The following MYO15A variants were observed in gnomAD, a reference collection of about 807,000 sequenced individuals.
MYO15A encodes unconventional myosin-XV.
Under a neutral mutation model 394.6 loss-of-function variants are expected in MYO15A, and 308 were observed. The ratio of observed to expected loss-of-function variants is 0.78; its 90% confidence interval spans 0.71 to 0.86. MYO15A has a LOEUF of 0.86. Among genes scored for constraint, MYO15A ranks in the 40% least tolerant of loss-of-function variants. MYO15A has a pLI of 0.00. For synonymous variants in MYO15A, 1,957 were observed against 2,003.8 expected, an observed-to-expected ratio of 0.98 and a Z score of 0.62; for missense variants, 4,606 against 4,799.1, an observed-to-expected ratio of 0.96 and a Z score of 1.19.
In MYO15A at chr17:18,179,788, G is replaced by A. The variant is rs1015923228; in HGVS notation, c.*918G>A. On this transcript the variant is annotated 3_prime_UTR_variant, in exon 66 of 66. Coordinates refer to ENST00000647165, the MANE Select transcript of MYO15A (RefSeq NM_016239.4). ...TTGTCATATGAATGAAAAAATAAAC[G>A]AGTGAATGTTGATAGAAAGTGCTGG... The A allele has an allele frequency of 6.6e-6, 1 of 152,146 alleles. No homozygotes were observed. The highest frequency in any genetic ancestry group is 1.5e-5 in the Non-Finnish European group (1 of 68,030). The allele number at this position is 152,146 out of a possible 1,614,324, so 9.4% of individuals were successfully genotyped here.
intron 16 of MYO15A, 86 bp from the exon 17 acceptor site, chr17:18,138,029 G>T (rs1454012942): frequency 3.5e-6 from 5 of 1,417,368 alleles, no homozygotes; most frequent in Non-Finnish European, 4.6e-6. Flanking sequence ...TGCTGGCCAG[G>T]CTCCTTCAGA....
Position 18,142,219 on chromosome 17 carries a change from C to G in MYO15A, c.5790C>G (p.Ile1930Met). Residue 1930 changes from isoleucine to methionine, a missense_variant, in exon 24 of 66, where the codon ATC becomes ATG. Ile to Met is a conservative substitution (Grantham distance 10). This residue lies in a region of MYO15A where 2,776 missense variants were observed against 3,109.3 expected (regional missense o/e 0.89). Transcript: ENST00000647165. Reference protein sequence around the residue: ...RRFRSLRHKIILLQSRARGYL... With the variant: ...RRFRSLRHKIMLLQSRARGYL... The stretch of plus-strand genomic sequence containing the variant: ...TCCGCTCTCTGCGCCACAAGATCAT[C>G]CTGCTGCAAAGCCGGGCCCGTGGCT... 3.1e-6 allele frequency: 5 copies of G among 1,613,478 alleles called. No homozygotes were observed. The highest frequency in any genetic ancestry group is 4.2e-6 in the Non-Finnish European group (5 of 1,179,976).
chr17:18,151,282 C>T lies in MYO15A; in HGVS notation c.7646C>T (p.Pro2549Leu). Residue 2549 changes from proline to leucine, a missense_variant, in exon 39 of 66, where the codon CCA becomes CTA. Physicochemically the swap from Pro to Leu is moderately conservative, Grantham distance 98. Transcript: ENST00000647165. ...APVLAQDQAS[P>L]ETTSPSPELV... ...GTTCTAGCTCAGGATCAGGCTTCTC[C>T]AGAAACCAGTGAGTGCCCTATCCCA... 6.2e-7 allele frequency: 1 copy of T among 1,614,204 alleles called. No individual in the cohort carries two copies. The highest frequency in any genetic ancestry group is 8.5e-7 in the Non-Finnish European group (1 of 1,180,036).
chr17:18,150,312 G>A lies in MYO15A; in HGVS notation c.7213-117G>A. The A allele has an allele frequency of 1.1e-6, 1 of 879,434 alleles. No individual in the cohort carries two copies. The highest frequency in any genetic ancestry group is 1.7e-5 in the African/African-American group (1 of 60,494). The allele number at this position is 879,434 out of a possible 1,614,324, so 54.5% of individuals were successfully genotyped here. ...AGCATACAGCAGACACTGAGCCAGT[G>A]GGAGGCTGCCCCCTCCCACGAGAGG... On this transcript the variant is annotated intron_variant, in intron 35 of 65. Coordinates refer to ENST00000647165, the MANE Select transcript of MYO15A (RefSeq NM_016239.4). This position sits in a 1 kb window ranked among gnomAD's most constrained non-coding sequence, Gnocchi z 4.4.
At position 18,158,543 on chromosome 17, in the gene MYO15A, C is replaced by A; in HGVS notation, c.8988C>A (p.Arg2996=). The A allele has an allele frequency of 6.2e-7, 1 of 1,614,174 alleles. No individual in the cohort carries two copies. Among genetic ancestry groups the A allele is most frequent in the South Asian group, 1.1e-5 (1 of 91,092 alleles). ...RRREGPPVRA[R]SADHGEDALA... is the part of the protein sequence containing the mutation. ...TGCAGGGTCCCCCAGTCAGGGCCCG[C>A]TCTGCTGACCATGGGGAGGACGCCC... The change falls in exon 52 of 66, where the codon CGC becomes CGA. Residue 2996 remains arginine (R), a synonymous_variant. Transcript: ENST00000647165.
Position 18,119,894 on chromosome 17 carries a change from A to T in MYO15A, c.1094A>T (p.Asp365Val). The T allele has an allele frequency of 6.2e-7, 1 of 1,613,146 alleles. No individual in the cohort carries two copies. The highest frequency in any genetic ancestry group is 8.5e-7 in the Non-Finnish European group (1 of 1,179,956). Reference protein sequence around the residue: ...PYDLPYHTPYDVPYFDPYGVH... With the variant: ...PYDLPYHTPYVVPYFDPYGVH... ...GACCTCCCATACCACACTCCCTACG[A>T]TGTACCCTACTTTGATCCCTACGGA... is the stretch of plus-strand genomic sequence containing the variant. The change falls in exon 2 of 66, where the codon GAT (aspartate) becomes GTT (valine). Residue 365 changes from aspartate to valine, a missense_variant. Around this residue, in one of 2 missense-constraint regions of MYO15A, gnomAD observed 1,830 missense variants for 1,689.7 expected, o/e 1.08. Coordinates refer to ENST00000647165, the MANE Select transcript of MYO15A (RefSeq NM_016239.4).
At position 18,121,943 on chromosome 17, in the gene MYO15A, A is replaced by G; in HGVS notation, c.3143A>G (p.Lys1048Arg). Residue 1048 changes from lysine to arginine, a missense_variant, in exon 2 of 66, where the codon AAG becomes AGG. Physicochemically the swap from Lys to Arg is conservative, Grantham distance 26. Coordinates refer to ENST00000647165, the MANE Select transcript of MYO15A (RefSeq NM_016239.4). The surrounding 1 kb of genome is among the most constrained non-coding windows in gnomAD (Gnocchi z 5.3). ...CCCCCCAAGGATATCACTCCCCCCA[A>G]GGATGTCCTCCCAGAGCAAAAGACA... Reference protein sequence around the residue: ...VTPPKDITPPKDVLPEQKTLR... With the variant: ...VTPPKDITPPRDVLPEQKTLR... 6.2e-7 allele frequency: 1 copy of G among 1,613,222 alleles called. No homozygotes were observed. The highest frequency in any genetic ancestry group is 2.2e-5 in the East Asian group (1 of 44,846).
intron 27 of MYO15A, 30 bp downstream of exon 27, chr17:18,143,826 C>T (rs1345254678): frequency 6.4e-7 from 1 of 1,570,168 alleles, no homozygotes; most frequent in Non-Finnish European, 8.6e-7. Flanking sequence ...GGGGAGGGCC[C>T]AGGCAGATCA....
chr17:18,155,391 C>G lies in MYO15A; in HGVS notation c.8418C>G (p.Gly2806=). Residue 2806 remains glycine, a synonymous_variant, in exon 47 of 66, where the codon GGC becomes GGG. Transcript: ENST00000647165. Reference sequence around the variant, plus strand: ...AACTCCTGAGGATGGTCAAGGGTGGCCAGGAGGCCGGCGGGCAGCTGCGGG... The same window carrying G: ...AACTCCTGAGGATGGTCAAGGGTGGGCAGGAGGCCGGCGGGCAGCTGCGGG... ...GIKLLRMVKG[G]QEAGGQLRVL... The G allele has an allele frequency of 6.2e-7, 1 of 1,613,594 alleles. No individual in the cohort carries two copies.
rs776323868 is a variant in MYO15A, at chr17:18,145,904, T to C, written c.6306T>C (p.His2102=). Residue 2102 remains histidine, a synonymous_variant, in exon 30 of 66, where the codon CAT becomes CAC. Transcript: ENST00000647165. The part of the protein sequence containing the change: ...ILRFMGDPHL[H]GARENIFGNY... Reference sequence around the variant, plus strand: ...GCTTCATGGGCGACCCCCACCTGCATGGTGCCCGGGAGAACATCTTCGGGA... The same window carrying C: ...GCTTCATGGGCGACCCCCACCTGCACGGTGCCCGGGAGAACATCTTCGGGA... 9 of 1,613,516 alleles carry C rather than the reference T, an allele frequency of 5.6e-6. No homozygotes were observed. Among genetic ancestry groups the C allele is most frequent in the Non-Finnish European group, 7.6e-6 (9 of 1,180,014 alleles).
rs1193756620 is a variant in MYO15A at position 18,179,677 on chromosome 17, A to T, written c.*807A>T. ...ATAGATGGAAGACAGCAGGATAAAC[A>T]TTCCAGAGAAAATCATGTTTATTCC... is the stretch of plus-strand genomic sequence containing the variant. On this transcript the variant is annotated 3_prime_UTR_variant, in exon 66 of 66. Coordinates refer to ENST00000647165, the MANE Select transcript of MYO15A (RefSeq NM_016239.4). 1 of 152,336 alleles carries T rather than the reference A, an allele frequency of 6.6e-6. No homozygotes were observed. 9.4% of individuals were successfully genotyped at this position (152,336 alleles called of 1,614,324 possible).
rs372462304 is a variant in MYO15A at position 18,148,782 on chromosome 17, C to T, written c.6786C>T (p.Arg2262=). Reference sequence around the variant, plus strand: ...CCAGGGGGCTGGCAGATGGCTGGCGCGGCTGGACCGTGGCCATGAAGAATG... The same window carrying T: ...CCAGGGGGCTGGCAGATGGCTGGCGTGGCTGGACCGTGGCCATGAAGAATG... ...LRHRGLADGW[R]GWTVAMKNGV... The change falls in exon 33 of 66, where the codon CGC becomes CGT. Residue 2262 remains arginine (R), a synonymous_variant. Transcript: ENST00000647165. This position sits in a 1 kb window ranked among gnomAD's most constrained non-coding sequence, Gnocchi z 4.8. 102 of 1,601,074 alleles carry T rather than the reference C, an allele frequency of 6.4e-5. No homozygotes were observed. Among genetic ancestry groups the T allele is most frequent in the Admixed American group, 1.7e-4 (10 of 58,990 alleles).
chr17:18,120,239 T>C lies in MYO15A; in HGVS notation c.1439T>C (p.Phe480Ser). ...KLSLIRKFRL[F>S]PRPQVKLFGK... Reference sequence around the variant, plus strand: ...TCCCTCATCCGCAAGTTCCGCCTCTTCCCGCGACCCCAGGTGAAGCTGTTT... The same window carrying C: ...TCCCTCATCCGCAAGTTCCGCCTCTCCCCGCGACCCCAGGTGAAGCTGTTT... Residue 480 changes from phenylalanine (F) to serine (S), a missense_variant, in exon 2 of 66, where the codon TTC (phenylalanine) becomes TCC (serine). Phe to Ser is a radical substitution (Grantham distance 155, BLOSUM62 -2). Transcript: ENST00000647165. The C allele has an allele frequency of 6.2e-7, 1 of 1,612,272 alleles. No homozygotes were observed. Among genetic ancestry groups the C allele is most frequent in the Non-Finnish European group, 8.5e-7 (1 of 1,179,656 alleles).
intron 26 of MYO15A, 32 bp from the exon 27 acceptor site, chr17:18,143,683 G>C (rs1431509001): frequency 1.9e-6 from 3 of 1,575,144 alleles, no homozygotes; most frequent in African/African-American, 2.7e-5. Flanking sequence ...GATGTGGCAG[G>C]CCTGTCCCTG....
In MYO15A at chr17:18,120,488, G is replaced by T. The variant is rs766250103; in HGVS notation, c.1688G>T (p.Arg563Leu). The change falls in exon 2 of 66, where the codon CGC becomes CTC. Residue 563 changes from arginine to leucine, a missense_variant. This residue lies in a region of MYO15A where 1,830 missense variants were observed against 1,689.7 expected (regional missense o/e 1.08). Coordinates refer to ENST00000647165, the MANE Select transcript of MYO15A (RefSeq NM_016239.4). ...RGLGFGPEFG[R>L]PVPRPATSLA... ...CTGGGCTTCGGCCCTGAGTTTGGCCGCCCCGTGCCTCGCCCTGCCACCTCG... is the reference window on the plus strand; with the variant it reads ...CTGGGCTTCGGCCCTGAGTTTGGCCTCCCCGTGCCTCGCCCTGCCACCTCG... 9.5e-6 allele frequency: 15 copies of T among 1,572,898 alleles called. No homozygotes were observed. In the East Asian group the frequency reaches 2.1e-4, roughly 22 times the overall value.
At chr17:18,146,993 AC>A (rs2046492685) in intron 30 of MYO15A, among the ~76,000 whole-genome samples, 1 of 152,150 alleles carries the variant, frequency 6.6e-6, no homozygotes, top group South Asian at 2.1e-4. Context: ...AAATATATAA[AC>A]ACACGTAAAG....
Position 18,160,801 on chromosome 17 carries a change from C to G in MYO15A, c.9387-516C>G, listed in dbSNP as rs1175969954. ...TGAAGATGAATTACTGTGTTCCACT[C>G]ATGCAGGGCCAGCACACAGTACGTG... On this transcript the variant is annotated intron_variant, in intron 56 of 65. Transcript: ENST00000647165. The G allele has an allele frequency of 1.1e-5, 3 of 267,272 alleles. No homozygotes were observed. The Admixed American group carries it at 1.4e-4, about 13-fold the overall frequency. The allele number at this position is 267,272 out of a possible 1,614,324, so 16.6% of individuals were successfully genotyped here.
rs1190486444 is a variant in MYO15A, at chr17:18,159,646, G to C, written c.9270G>C (p.Gln3090His). ...TGGGGGATGCCCCACTGAAGGGCCA[G>C]AGTGACCTGGACGTGCTTTGTAACC... ...RFMGDAPLKG[Q>H]SDLDVLCNLL... The change falls in exon 55 of 66, where the codon CAG (glutamine) becomes CAC (histidine). Residue 3090 changes from glutamine (Q) to histidine (H), a missense_variant. This residue lies in a region of MYO15A where 2,776 missense variants were observed against 3,109.3 expected (regional missense o/e 0.89). Transcript: ENST00000647165. 1.9e-6 allele frequency: 3 copies of C among 1,614,042 alleles called. No homozygotes were observed. Among genetic ancestry groups the C allele is most frequent in the Non-Finnish European group, 2.5e-6 (3 of 1,180,024 alleles).
At chr17:18,131,637 A>T in intron 10 of MYO15A, 106 bp downstream of exon 10, 1 of 1,327,856 alleles carries the variant, frequency 7.5e-7, no homozygotes, top group Non-Finnish European at 1.1e-6. Context: ...CAAATTAATG[A>T]ACGAATACAT....
Sources: allele counts gnomAD v4.1 joint callset (sites outside exome capture counted in the v4.1 genomes callset), GRCh38; gene constraint gnomAD v4.1.1; regional missense constraint gnomAD v4.1.1; non-coding constraint Gnocchi (gnomAD v3.1); transcripts MANE v1.5; gene names NCBI Gene and HGNC (gene_info 2026-07-23, HGNC 2026-07-21).